Variants in CNTNAP2 observed in about 807,000 individuals in gnomAD.
The protein encoded by CNTNAP2 is contactin-associated protein-like 2.
Under a neutral mutation model 155.2 loss-of-function variants are expected in CNTNAP2, and 98 were observed. The ratio of observed to expected loss-of-function variants is 0.63; its 90% CI spans 0.54 to 0.75. The LOEUF (loss-of-function observed/expected upper bound fraction) is 0.75. CNTNAP2 is among the 30% of genes least tolerant of loss of function. CNTNAP2 has a pLI of 0.00. For synonymous variants in CNTNAP2, 651 were observed against 631.2 expected (o/e 1.03, Z -0.47); for missense variants, 1,727 against 1,688.1 (o/e 1.02, Z -0.40).
rs71183036 is a variant in CNTNAP2 at position 147,925,292 on chromosome 7, GCACACACACACA to G, written c.2255+21600_2255+21611del. Among the ~76,000 whole-genome samples, 700 of 143,204 alleles carry G rather than the reference GCACACACACACA, an allele frequency of 4.9e-3. 12 individuals carry two copies. The highest frequency in any genetic ancestry group is 7.7e-3 in the African/African-American group (298 of 38,856). The allele number at this position is 143,204 out of a possible 152,430, so 93.9% of individuals were successfully genotyped here. On this transcript the variant is annotated intron_variant, in intron 14 of 23. Coordinates refer to ENST00000361727, the MANE Select transcript of CNTNAP2 (RefSeq NM_014141.6). ...CAGACAAACACACACAAGCGCGCGC[GCACACACACACA>G]CACACACACACACACACACACACAC...
chr7:147,383,830 C>G (rs1796582039), intron 9 of CNTNAP2, among the ~76,000 whole-genome samples: 1 of 151,836 alleles, frequency 6.6e-6, no homozygotes, highest in African/African-American at 2.4e-5. Flanking sequence ...AATGAATATA[C>G]TAGAAAAAGA....
chr7:146,973,790 C>A (rs1045066012), intron 3 of CNTNAP2, among the ~76,000 whole-genome samples: 5 of 152,182 alleles, frequency 3.3e-5, no homozygotes, highest in African/African-American at 1.2e-4. Flanking sequence ...CAATTGGCAT[C>A]ATTCATGAAG....
At chr7:147,068,940 G>T (rs1305117414) in intron 4 of CNTNAP2, among the ~76,000 whole-genome samples, 1 of 152,216 alleles carries the variant, frequency 6.6e-6, no homozygotes, top group Non-Finnish European at 1.5e-5. Flanking sequence ...TCATGGTTCT[G>T]CAGGCTGTAC....
chr7:146,953,811 G>C (rs1358456637), intron 3 of CNTNAP2, among the ~76,000 whole-genome samples: 1 of 151,750 alleles, frequency 6.6e-6, no homozygotes, highest in Non-Finnish European at 1.5e-5. Flanking sequence ...ACACAAACTT[G>C]TCAATGGAAA....
chr7:146,963,257 T>G (rs188559173), intron 3 of CNTNAP2: 293 of 152,340 alleles, frequency 1.9e-3, no homozygotes, highest in Admixed American at 7.0e-3. Context: ...TTTATTTCAT[T>G]TGATAATTAC....
chr7:146,672,746 GATAAA>G (rs1800332020), intron 1 of CNTNAP2, among the ~76,000 whole-genome samples: 1 of 152,132 alleles, frequency 6.6e-6, no homozygotes, highest in African/African-American at 2.4e-5. Context: ...TCTTTAGAAA[GATAAA>G]ATAACCAAAC....
intron 21 of CNTNAP2, 115 bp from the exon 22 acceptor site, chr7:148,383,534 C>A (rs761454808): frequency 4.2e-6 from 6 of 1,436,988 alleles, no homozygotes; most frequent in African/African-American, 2.8e-5. Context: ...AACAATGTAA[C>A]ATCTTAAACT....
At chr7:148,171,234 T>C (rs1435973068) in intron 17 of CNTNAP2, among the ~76,000 whole-genome samples, 1 of 152,206 alleles carries the variant, frequency 6.6e-6, no homozygotes, top group Non-Finnish European at 1.5e-5. Flanking sequence ...GCCTAGTATG[T>C]AGCCCTCAAT....
chr7:147,875,778 A>G (rs1011978520), intron 13 of CNTNAP2, among the ~76,000 whole-genome samples: 2 of 152,144 alleles, frequency 1.3e-5, no homozygotes, highest in Non-Finnish European at 2.9e-5. Context: ...AATGCTTAAC[A>G]TAACCCTTTC....
chr7:146,380,568 C>T lies in CNTNAP2; in HGVS notation c.97+263595C>T, dbSNP rs531861701. On this transcript the variant is annotated intron_variant, in intron 1 of 23. Coordinates refer to ENST00000361727, the MANE Select transcript of CNTNAP2 (RefSeq NM_014141.6). ...AGTAACTGATCTTATCTTTAACCAT[C>T]ATAAAAAATTTCTGGTGTATTAAAT... is the stretch of plus-strand genomic sequence containing the variant. Among the ~76,000 whole-genome samples, 12 of 152,082 alleles carry T rather than the reference C, an allele frequency of 7.9e-5. No individual in the cohort carries two copies. In the South Asian group the frequency reaches 2.5e-3, roughly 31 times the overall value.
chr7:146,395,420 C>A (rs541530938), intron 1 of CNTNAP2, among the ~76,000 whole-genome samples: 1 of 151,718 alleles, frequency 6.6e-6, no homozygotes, highest in African/African-American at 2.4e-5. Context: ...ACTGCGTACA[C>A]ATTACATGCT....
At chr7:146,578,170 T>C (rs1050096634) in intron 1 of CNTNAP2, among the ~76,000 whole-genome samples, 3 of 152,154 alleles carry the variant, frequency 2.0e-5, no homozygotes, top group Non-Finnish European at 4.4e-5. Context: ...TTCTAAGTTA[T>C]AATATATTTT....
chr7:147,717,183 CT>C (rs1796492179), intron 13 of CNTNAP2, among the ~76,000 whole-genome samples: 1 of 151,960 alleles, frequency 6.6e-6, no homozygotes, highest in South Asian at 2.1e-4. Context: ...GGCTGAGTAA[CT>C]ATGATTTAAA....
chr7:147,450,603 C>A lies in CNTNAP2; in HGVS notation c.1671-35332C>A, dbSNP rs1368896617. Among the ~76,000 whole-genome samples the A allele has an allele frequency of 3.9e-5, 6 of 152,160 alleles. No homozygotes were observed. In the East Asian group the frequency reaches 1.2e-3, roughly 29 times the overall value. On this transcript the variant is annotated intron_variant, in intron 10 of 23. Transcript: ENST00000361727. ...ATAGCAAAAGAAGATACCTTCCCAC[C>A]TAGCCATATTCATCAGATCAGCCTT...
intron 8 of CNTNAP2, among the ~76,000 whole-genome samples, chr7:147,256,750 G>T (rs1365225589): frequency 2.0e-5 from 3 of 152,110 alleles, no homozygotes; most frequent in South Asian, 4.1e-4. Flanking sequence ...TGAGGGGAGT[G>T]GTGGGGAACA....
At chr7:147,302,236 A>T (rs1314824612) in intron 9 of CNTNAP2, among the ~76,000 whole-genome samples, 1 of 152,234 alleles carries the variant, frequency 6.6e-6, no homozygotes, top group Non-Finnish European at 1.5e-5. Context: ...AGCTACTGAT[A>T]ATCTCTGCTG....
chr7:146,474,893 C>T (rs1040971718), intron 1 of CNTNAP2, among the ~76,000 whole-genome samples: 1 of 152,096 alleles, frequency 6.6e-6, no homozygotes, highest in Non-Finnish European at 1.5e-5. Flanking sequence ...AGGTTTAAGA[C>T]TTAACTGCCA....
intron 12 of CNTNAP2, among the ~76,000 whole-genome samples, chr7:147,638,531 CA>C (rs1795220267): frequency 6.6e-6 from 1 of 152,098 alleles, no homozygotes; most frequent in African/African-American, 2.4e-5. Context: ...TCAAAATCAC[CA>C]AGATAATTAG....
intron 1 of CNTNAP2, among the ~76,000 whole-genome samples, chr7:146,569,192 A>G (rs954239116): frequency 6.6e-6 from 1 of 151,734 alleles, no homozygotes; most frequent in Admixed American, 6.6e-5. Context: ...AATTTTTTGT[A>G]TTTTTAGTAC....
Sources: allele counts gnomAD v4.1 joint callset (sites outside exome capture counted in the v4.1 genomes callset), GRCh38; gene constraint gnomAD v4.1.1; transcripts MANE v1.5; gene names NCBI Gene and HGNC (gene_info 2026-07-23, HGNC 2026-07-21).